Variants in PCDH9 observed in about 807,000 individuals in gnomAD.
PCDH9 encodes protocadherin-9.
PCDH9 carries 24 observed loss-of-function variants against 70.6 expected under a neutral mutation model. The ratio of observed to expected loss-of-function variants is 0.34; its 90% CI spans 0.25 to 0.48. The LOEUF (loss-of-function observed/expected upper bound fraction) is 0.48, where lower values mean the gene tolerates loss of function less well. Ranked by LOEUF, PCDH9 falls within the 20% of genes least tolerant of loss-of-function variation. The pLI is 0.99. For missense variants in PCDH9, 1,281 were observed against 1,503.6 expected, an observed-to-expected ratio of 0.85 and a Z score of 2.45; for synonymous variants, 562 against 558.5, an observed-to-expected ratio of 1.01 and a Z score of -0.09.
At chr13:66,343,006 A>G (rs1178006335) in intron 4 of PCDH9, among the ~76,000 whole-genome samples, 1 of 152,010 alleles carries the variant, frequency 6.6e-6, no homozygotes, top group Non-Finnish European at 1.5e-5. Context: ...TGGTAAACAG[A>G]GATCCCTTTT....
chr13:66,656,581 C>G (rs2077932707), intron 3 of PCDH9, among the ~76,000 whole-genome samples: 1 of 146,102 alleles, frequency 6.8e-6, no homozygotes, highest in Non-Finnish European at 1.5e-5. Context: ...AGGCATGTTG[C>G]ACATATTTAA....
intron 4 of PCDH9, among the ~76,000 whole-genome samples, chr13:66,491,049 C>A (rs760219944): frequency 4.6e-5 from 7 of 152,112 alleles, no homozygotes; most frequent in Non-Finnish European, 8.8e-5. Context: ...TATTTACTGG[C>A]TTCTTAGCTT....
chr13:67,172,397 T>A (rs1462431832), intron 2 of PCDH9, among the ~76,000 whole-genome samples: 1 of 152,158 alleles, frequency 6.6e-6, no homozygotes, highest in Non-Finnish European at 1.5e-5. Flanking sequence ...TTAAATGACT[T>A]CAGTGTACAG....
intron 2 of PCDH9, among the ~76,000 whole-genome samples, chr13:66,981,485 T>G (rs1402208018): frequency 1.3e-5 from 2 of 151,150 alleles, no homozygotes; most frequent in Admixed American, 6.6e-5. Context: ...TCATTTATAC[T>G]AAAAAAAGTA....
chr13:67,209,885 T>C (rs1173252518), intron 2 of PCDH9: 3 of 152,086 alleles, frequency 2.0e-5, no homozygotes, highest in African/African-American at 7.2e-5. Context: ...ACTGACAAGT[T>C]CTTCAATTTA....
chr13:66,877,384 G>GT (rs767897668), intron 3 of PCDH9, among the ~76,000 whole-genome samples: 8,474 of 143,856 alleles, frequency 0.059, 567 homozygotes, highest in African/African-American at 0.16. Context: ...AGGTTTAGTG[G>GT]TTTTTTTTTT....
chr13:67,159,050 C>G lies in PCDH9; in HGVS notation c.3036+66355G>C, dbSNP rs569256577. Among the ~76,000 whole-genome samples, 3 of 152,126 alleles carry G rather than the reference C, an allele frequency of 2.0e-5. No homozygotes were observed. The South Asian group carries it at 6.2e-4, about 31-fold the overall frequency. The stretch of plus-strand genomic sequence containing the variant: ...TCACTATCTTTAATCTTCAAAAGAA[C>G]CATAAAAGGAGATGCTATTATGGCT... On this transcript the variant is annotated intron_variant, in intron 2 of 4. Coordinates refer to ENST00000377865, the MANE Select transcript of PCDH9 (RefSeq NM_203487.3).
intron 2 of PCDH9, among the ~76,000 whole-genome samples, chr13:66,989,469 G>C (rs2083958553): frequency 6.6e-6 from 1 of 151,884 alleles, no homozygotes; most frequent in Non-Finnish European, 1.5e-5. Context: ...AATTATTTGA[G>C]AAACAGAATA....
intron 2 of PCDH9, chr13:67,202,149 A>C (rs2089229143): frequency 6.6e-6 from 1 of 152,058 alleles, no homozygotes; most frequent in Admixed American, 6.6e-5. Context: ...ATACCAACCT[A>C]TCTTGGTGTG....
In PCDH9 at chr13:66,544,466, C is replaced by T. The variant is rs140407037; in HGVS notation, c.3340+86744G>A. Among the ~76,000 whole-genome samples, 3 of 152,188 alleles carry T rather than the reference C, an allele frequency of 2.0e-5. No homozygotes were observed. In the East Asian group the frequency reaches 5.8e-4, roughly 29 times the overall value. ...TGAGCCCCCGAATTGGAGCTTAGGC[C>T]TTGAGGGTTCTTGGTTTTTCCCAGG... On this transcript the variant is annotated intron_variant, in intron 4 of 4. Coordinates refer to ENST00000377865, the MANE Select transcript of PCDH9 (RefSeq NM_203487.3).
chr13:66,501,923 A>G lies in PCDH9; in HGVS notation c.3340+129287T>C, dbSNP rs540394132. 3.9e-5 allele frequency among the ~76,000 whole-genome samples: 6 copies of G among 152,280 alleles called. No homozygotes were observed. The East Asian group carries it at 1.2e-3, about 29-fold the overall frequency. Reference sequence around the variant, plus strand: ...AACAGAAAAGACTAAGAGGGTGGGTATATAAGAAAATTCATAAAAACTTAG... The same window carrying G: ...AACAGAAAAGACTAAGAGGGTGGGTGTATAAGAAAATTCATAAAAACTTAG... On this transcript the variant is annotated intron_variant, in intron 4 of 4. Transcript: ENST00000377865.
At chr13:66,704,048 C>T (rs2078681166) in intron 3 of PCDH9, among the ~76,000 whole-genome samples, 1 of 151,970 alleles carries the variant, frequency 6.6e-6, no homozygotes, top group Non-Finnish European at 1.5e-5. Context: ...TTTCCTTTAC[C>T]AATACTAAAA....
intron 4 of PCDH9, among the ~76,000 whole-genome samples, chr13:66,369,577 C>T (rs1011511406): frequency 5.3e-5 from 8 of 152,178 alleles, no homozygotes; most frequent in Admixed American, 3.3e-4. Context: ...AAGTATACTA[C>T]TACTTATTTT....
intron 4 of PCDH9, among the ~76,000 whole-genome samples, chr13:66,570,386 T>C (rs2076717482): frequency 6.6e-6 from 1 of 152,100 alleles, no homozygotes; most frequent in South Asian, 2.1e-4. Context: ...GGAGATAAAA[T>C]TGTGTAAAAC....
chr13:66,458,179 C>T (rs943221874), intron 4 of PCDH9, among the ~76,000 whole-genome samples: 3 of 151,818 alleles, frequency 2.0e-5, no homozygotes, highest in Non-Finnish European at 2.9e-5. Context: ...ATAATACCTG[C>T]GCTATTTTAC....
intron 2 of PCDH9, among the ~76,000 whole-genome samples, chr13:67,098,590 A>C (rs1165498739): frequency 6.6e-6 from 1 of 152,162 alleles, no homozygotes; most frequent in African/African-American, 2.4e-5. Context: ...TCAAAACCAA[A>C]CAAGAGTAAG....
chr13:66,524,905 C>A (rs1462657705), intron 4 of PCDH9, among the ~76,000 whole-genome samples: 1 of 151,964 alleles, frequency 6.6e-6, no homozygotes, highest in African/African-American at 2.4e-5. Flanking sequence ...CATCTTTGCT[C>A]CTATTTTAAT....
At chr13:66,976,536 C>CA in intron 2 of PCDH9, among the ~76,000 whole-genome samples, 1 of 152,060 alleles carries the variant, frequency 6.6e-6, no homozygotes, top group Non-Finnish European at 1.5e-5. Flanking sequence ...GATCACCCTC[C>CA]ATAAGACACA....
intron 3 of PCDH9, among the ~76,000 whole-genome samples, chr13:66,783,122 C>A (rs545311619): frequency 3.3e-5 from 5 of 152,162 alleles, no homozygotes; most frequent in African/African-American, 1.2e-4. Flanking sequence ...TTATCTAGTA[C>A]ATATCTTCTC....
Sources: allele counts gnomAD v4.1 joint callset (sites outside exome capture counted in the v4.1 genomes callset), GRCh38; gene constraint gnomAD v4.1.1; transcripts MANE v1.5; gene names NCBI Gene and HGNC (gene_info 2026-07-23, HGNC 2026-07-21).